The following CADPS2 variants were observed in gnomAD, a reference collection of about 807,000 sequenced individuals.
The protein encoded by CADPS2 is calcium-dependent secretion activator 2.
A neutral mutation model predicts 172.5 loss-of-function variants in CADPS2; 93 were observed. That is an observed-to-expected ratio of 0.54 (90% CI 0.46 to 0.64). The LOEUF (loss-of-function observed/expected upper bound fraction) is 0.64, where lower values mean the gene tolerates loss of function less well. Ranked by LOEUF, CADPS2 falls within the 30% of genes least tolerant of loss-of-function variation. The pLI is 0.00. For missense variants in CADPS2, 1,420 were observed against 1,565.9 expected (o/e 0.91, Z 1.57); for synonymous variants, 546 against 555.2 (o/e 0.98, Z 0.23).
At chr7:122,692,525 C>A (rs1184730677) in intron 2 of CADPS2, among the ~76,000 whole-genome samples, 1 of 152,204 alleles carries the variant, frequency 6.6e-6, no homozygotes, top group African/African-American at 2.4e-5. Flanking sequence ...GACCTGTCTA[C>A]TGCCTCCCAC....
chr7:122,786,318 G>A (rs1794030624), intron 1 of CADPS2, among the ~76,000 whole-genome samples: 1 of 152,142 alleles, frequency 6.6e-6, no homozygotes, highest in Non-Finnish European at 1.5e-5. Context: ...AGGAGAGGAG[G>A]CAGAATTAAG....
chr7:122,407,659 G>T lies in CADPS2; in HGVS notation c.2627C>A (p.Ala876Glu). The T allele has an allele frequency of 6.2e-7, 1 of 1,611,610 alleles. No homozygotes were observed. Among genetic ancestry groups the T allele is most frequent in the South Asian group, 1.1e-5 (1 of 90,302 alleles). ...AWWPDLLAEH[A>E]EKFWALFTVD... ...TGTAAATAAAGCCCAAAATTTCTCT[G>T]CATGTTCAGCCAATAAATCAGGCCA... The change falls in exon 20 of 30, where the codon GCA becomes GAA. Residue 876 changes from alanine to glutamate, a missense_variant. Transcript: ENST00000449022.
At chr7:122,804,576 T>C (rs1393333902) in intron 1 of CADPS2, among the ~76,000 whole-genome samples, 1 of 152,128 alleles carries the variant, frequency 6.6e-6, no homozygotes, top group Non-Finnish European at 1.5e-5. Flanking sequence ...AGAACTAGAG[T>C]GTGTAGTGTA....
intron 19 of CADPS2, among the ~76,000 whole-genome samples, chr7:122,413,636 AG>A (rs1365492752): frequency 1.3e-5 from 2 of 152,184 alleles, no homozygotes; most frequent in Non-Finnish European, 2.9e-5. Flanking sequence ...CATGGAGCAA[AG>A]GAACTCTAGC....
chr7:122,774,583 T>C (rs1318343832), intron 1 of CADPS2, among the ~76,000 whole-genome samples: 2 of 152,310 alleles, frequency 1.3e-5, no homozygotes, highest in East Asian at 1.9e-4. Flanking sequence ...CCAATTACCA[T>C]AATCTTTGCT....
chr7:122,671,765 A>C (rs567983247), intron 2 of CADPS2, among the ~76,000 whole-genome samples: 4 of 152,346 alleles, frequency 2.6e-5, no homozygotes, highest in African/African-American at 9.6e-5. Context: ...ACACGAAAGA[A>C]GGAAGTGACA....
At chr7:122,880,498 A>G (rs1822607856) in intron 1 of CADPS2, among the ~76,000 whole-genome samples, 1 of 152,136 alleles carries the variant, frequency 6.6e-6, no homozygotes, top group African/African-American at 2.4e-5. Context: ...ACCAGCTTTT[A>G]TTAGTAATCT....
chr7:122,470,946 T>A (rs1239522797), intron 14 of CADPS2, among the ~76,000 whole-genome samples: 1 of 152,210 alleles, frequency 6.6e-6, no homozygotes, highest in Admixed American at 6.5e-5. Flanking sequence ...AAACCCATTT[T>A]CTATCTTGTT....
chr7:122,840,213 G>C (rs1231254821), intron 1 of CADPS2, among the ~76,000 whole-genome samples: 1 of 152,068 alleles, frequency 6.6e-6, no homozygotes. Flanking sequence ...CTCACTCATA[G>C]GTGGGAATTG....
Position 122,320,058 on chromosome 7 carries a change from T to C in CADPS2, c.*107A>G, listed in dbSNP as rs187500964. On this transcript the variant is annotated 3_prime_UTR_variant, in exon 30 of 30. Coordinates refer to ENST00000449022, the MANE Select transcript of CADPS2 (RefSeq NM_017954.11). ...TTACTTTTTAAAGAAATACAAGCAT[T>C]TTTATTTGGCCAAAACAAACAATGA... is the stretch of plus-strand genomic sequence containing the variant. 17 of 1,166,216 alleles carry C rather than the reference T, an allele frequency of 1.5e-5. No individual in the cohort carries two copies. The Admixed American group carries it at 5.1e-4, about 35-fold the overall frequency. The allele number at this position is 1,166,216 out of a possible 1,614,324, so 72.2% of individuals were successfully genotyped here. A position where few individuals can be genotyped will look rare whatever the true frequency, so the allele number is the denominator to read the frequency against.
At chr7:122,377,369 G>A (rs146987746) in intron 25 of CADPS2, among the ~76,000 whole-genome samples, 4 of 152,228 alleles carry the variant, frequency 2.6e-5, no homozygotes, top group African/African-American at 9.6e-5. Context: ...GAGATGACAT[G>A]CAGCCCCATC....
At chr7:122,690,402 G>A (rs578044808) in intron 2 of CADPS2, among the ~76,000 whole-genome samples, 10 of 152,226 alleles carry the variant, frequency 6.6e-5, no homozygotes, top group South Asian at 4.1e-4. Context: ...TTCCCTGGCC[G>A]TTCCCCTACG....
chr7:122,588,269 A>G (rs2070108952), intron 6 of CADPS2, among the ~76,000 whole-genome samples: 1 of 151,596 alleles, frequency 6.6e-6, no homozygotes, highest in African/African-American at 2.4e-5. Context: ...TGTCAATTTT[A>G]TCATGAAATC....
chr7:122,359,726 C>G (rs1230071917), intron 27 of CADPS2, among the ~76,000 whole-genome samples: 1 of 152,054 alleles, frequency 6.6e-6, no homozygotes, highest in Non-Finnish European at 1.5e-5. Flanking sequence ...AGCACTGATT[C>G]CTTGATTCTA....
chr7:122,844,002 T>C (rs575949796), intron 1 of CADPS2, among the ~76,000 whole-genome samples: 6 of 152,270 alleles, frequency 3.9e-5, no homozygotes, highest in South Asian at 2.1e-4. Context: ...AGAGACAGGA[T>C]CATAGACGAG....
At chr7:122,351,245 T>C (rs1019203272) in intron 27 of CADPS2, among the ~76,000 whole-genome samples, 54 of 150,958 alleles carry the variant, frequency 3.6e-4, no homozygotes, top group African/African-American at 8.5e-4. Flanking sequence ...TGGTGGCGGG[T>C]GCCTGTAGTC....
chr7:122,652,298 T>C (rs1054816311), intron 3 of CADPS2, among the ~76,000 whole-genome samples: 8 of 152,184 alleles, frequency 5.3e-5, no homozygotes, highest in African/African-American at 1.9e-4. Flanking sequence ...GGTTAACTAA[T>C]TAATTTGAAC....
At chr7:122,367,286 G>A (rs924166925) in intron 25 of CADPS2, among the ~76,000 whole-genome samples, 5 of 151,786 alleles carry the variant, frequency 3.3e-5, no homozygotes, top group African/African-American at 1.2e-4. Context: ...AGTTATGAGA[G>A]AGAGAAAGCG....
intron 8 of CADPS2, among the ~76,000 whole-genome samples, chr7:122,533,901 A>C (rs772833125): frequency 6.6e-6 from 1 of 152,180 alleles, no homozygotes; most frequent in Non-Finnish European, 1.5e-5. Context: ...GATAGAAATC[A>C]GGTGTTCAAT....
Sources: gnomAD v4.1 joint callset for allele counts (sites outside exome capture counted in the v4.1 genomes callset) on GRCh38, gnomAD v4.1.1 for gene constraint, MANE v1.5 for transcripts, NCBI Gene and HGNC (gene_info 2026-07-23, HGNC 2026-07-21) for gene names.